Variants in VPS50 observed in about 807,000 individuals in gnomAD.
VPS50 encodes the protein VPS50 subunit of EARP/GARPII complex, also known as syndetin.
Under a neutral mutation model 139.7 loss-of-function variants are expected in VPS50, and 70 were observed. The ratio of observed to expected loss-of-function variants is 0.50; its 90% CI spans 0.41 to 0.61. The LOEUF is 0.61. Among genes scored for constraint, VPS50 ranks in the 20% least tolerant of loss-of-function variants. VPS50 has a pLI of 0.00. For missense variants in VPS50, 921 were observed against 1,133.7 expected, an observed-to-expected ratio of 0.81 and a Z score of 2.69; for synonymous variants, 365 against 376.7, an observed-to-expected ratio of 0.97 and a Z score of 0.36.
At position 93,355,938 on chromosome 7, in the gene VPS50, A is replaced by G. The variant is rs768855317; in HGVS notation, c.2633A>G (p.Gln878Arg). The change falls in exon 27 of 28, where the codon CAA becomes CGA. Residue 878 changes from glutamine (Q) to arginine (R), a missense_variant. Transcript: ENST00000305866. ...AGTAATGAGGGTCGTGCCCTGATGC[A>G]ATTGGATTTTCAACAGTTTTTAATG... ...KCSNEGRALM[Q>R]LDFQQFLMKL... The G allele has an allele frequency of 1.2e-6, 2 of 1,606,362 alleles. No homozygotes were observed. The highest frequency in any genetic ancestry group is 1.7e-6 in the Non-Finnish European group (2 of 1,174,280).
chr7:93,248,584 G>A (rs1480689997), intron 2 of VPS50, among the ~76,000 whole-genome samples: 1 of 151,964 alleles, frequency 6.6e-6, no homozygotes, highest in African/African-American at 2.4e-5. Flanking sequence ...AGAGCATATT[G>A]TCTTTTCCTT....
intron 2 of VPS50, 137 bp downstream of exon 2, chr7:93,240,071 T>C (rs2116774899): frequency 3.3e-6 from 2 of 599,274 alleles, no homozygotes; most frequent in South Asian, 3.8e-5. Flanking sequence ...AAATTTTTAT[T>C]GTATAGTAGG....
At chr7:93,344,317 C>G (rs1480866750) in intron 23 of VPS50, among the ~76,000 whole-genome samples, 1 of 152,106 alleles carries the variant, frequency 6.6e-6, no homozygotes, top group Non-Finnish European at 1.5e-5. Flanking sequence ...ACAGGAGCAC[C>G]CAGATGCATA....
rs1798765183 is a variant in VPS50 at position 93,358,398 on chromosome 7, C to G, written c.2857C>G (p.Leu953Val). The G allele has an allele frequency of 6.2e-7, 1 of 1,611,710 alleles. No individual in the cohort carries two copies. Among genetic ancestry groups the G allele is most frequent in the African/African-American group, 1.3e-5 (1 of 74,964 alleles). ...HINKKARQKL[L>V]AAIDDIDRPK... ...CAATAAGAAAGCAAGACAAAAACTT[C>G]TAGCAGCTATAGATGATATAGACAG... The change falls in exon 28 of 28, where the codon CTA (leucine) becomes GTA (valine). Residue 953 changes from leucine to valine, a missense_variant. Leu to Val is a conservative substitution (Grantham distance 32). Transcript: ENST00000305866.
At chr7:93,283,772 G>A (rs1215960915) in intron 12 of VPS50, among the ~76,000 whole-genome samples, 2 of 152,170 alleles carry the variant, frequency 1.3e-5, no homozygotes, top group Admixed American at 1.3e-4. Flanking sequence ...CAGGAACAGT[G>A]TGTGTCCAGG....
Position 93,323,532 on chromosome 7 carries a change from T to A in VPS50, c.1856-79T>A, listed in dbSNP as rs114438462. ...ATATTTAAATATTTTAGTATAATAA[T>A]TTTATTTTCTTTTTATAATTATAGA... On this transcript the variant is annotated intron_variant, in intron 20 of 27. Coordinates refer to ENST00000305866, the MANE Select transcript of VPS50 (RefSeq NM_017667.4). 1.3e-3 allele frequency: 580 copies of A among 455,796 alleles called. 4 individuals are homozygous for A. Among genetic ancestry groups the A allele is most frequent in the African/African-American group, 0.011 (532 of 49,096 alleles). The allele number at this position is 455,796 out of a possible 1,614,324, so 28.2% of individuals were successfully genotyped here. A position where few individuals can be genotyped will look rare whatever the true frequency, so the allele number is the denominator to read the frequency against.
chr7:93,286,466 C>T (rs1796489913), intron 12 of VPS50, among the ~76,000 whole-genome samples: 1 of 152,156 alleles, frequency 6.6e-6, no homozygotes, highest in African/African-American at 2.4e-5. Flanking sequence ...ACAAGTATCT[C>T]TAACACGTTT....
At position 93,258,349 on chromosome 7, in the gene VPS50, T is replaced by G; in HGVS notation, c.541-8T>G. On this transcript the variant is annotated splice_region_variant and splice_polypyrimidine_tract_variant and intron_variant, in intron 7 of 27. Transcript: ENST00000305866. ...AACAGATTTTACCTTTGATTTTTGT[T>G]TTTTCAGCAAAGAACAGATGTACGG... 2.5e-6 allele frequency: 4 copies of G among 1,612,864 alleles called. No homozygotes were observed. The highest frequency in any genetic ancestry group is 3.4e-6 in the Non-Finnish European group (4 of 1,179,246).
intron 4 of VPS50, among the ~76,000 whole-genome samples, chr7:93,255,120 T>G (rs1249110979): frequency 1.3e-5 from 2 of 152,202 alleles, no homozygotes; most frequent in Non-Finnish European, 2.9e-5. Flanking sequence ...TTCAGAATGA[T>G]TCAAGTGCAT....
intron 13 of VPS50, among the ~76,000 whole-genome samples, chr7:93,293,578 T>C (rs1314554332): frequency 6.6e-6 from 1 of 152,186 alleles, no homozygotes; most frequent in African/African-American, 2.4e-5. Context: ...AGGAATAAAA[T>C]TGTAGAAATT....
Position 93,308,892 on chromosome 7 carries a change from A to G in VPS50, c.1698A>G (p.Glu566=). The G allele has an allele frequency of 3.7e-6, 6 of 1,608,276 alleles. No individual in the cohort carries two copies. Among genetic ancestry groups the G allele is most frequent in the Non-Finnish European group, 5.1e-6 (6 of 1,175,350 alleles). ...ACAGTGACAGTGATGTTCCTGAGGA[A>G]CTCAAACGAGACTATGTGGATGAGC... The part of the protein sequence containing the change: ...EYDSDSDVPE[E]LKRDYVDEQT... Residue 566 remains glutamate, a synonymous_variant, in exon 19 of 28, where the codon GAA becomes GAG. Transcript: ENST00000305866.
At chr7:93,306,151 A>T in intron 18 of VPS50, 147 bp downstream of exon 18, 1 of 604,606 alleles carries the variant, frequency 1.7e-6, no homozygotes. Flanking sequence ...TTACATTTAT[A>T]GATGATGACT....
At chr7:93,283,525 C>T (rs1796392305) in intron 12 of VPS50, among the ~76,000 whole-genome samples, 1 of 152,134 alleles carries the variant, frequency 6.6e-6, no homozygotes, top group Admixed American at 6.5e-5. Context: ...TGTGAGCCAC[C>T]GCGCCTGGCC....
chr7:93,266,359 C>A (rs1795843891), intron 9 of VPS50, among the ~76,000 whole-genome samples: 1 of 152,164 alleles, frequency 6.6e-6, no homozygotes, highest in Admixed American at 6.6e-5. Flanking sequence ...AAGGACTTGA[C>A]TTAAATCATA....
At position 93,250,613 on chromosome 7, in the gene VPS50, C is replaced by G. The variant is rs1408755091; in HGVS notation, c.103-2040C>G. On this transcript the variant is annotated intron_variant, in intron 2 of 27. Transcript: ENST00000305866. ...ACCCTAGAAGAAAACCTAGGCAATA[C>G]CATTCAGGACATAGGCATGGGCAAA... Among the ~76,000 whole-genome samples, 3 of 152,090 alleles carry G rather than the reference C, an allele frequency of 2.0e-5. No homozygotes were observed. In the East Asian group the frequency reaches 5.8e-4, roughly 29 times the overall value.
chr7:93,237,771 G>A (rs1782629839), intron 1 of VPS50, among the ~76,000 whole-genome samples: 2 of 152,020 alleles, frequency 1.3e-5, no homozygotes, highest in Non-Finnish European at 2.9e-5. Flanking sequence ...TTAGTTCAAG[G>A]GTACCTATGC....
intron 2 of VPS50, among the ~76,000 whole-genome samples, chr7:93,249,211 A>G (rs748623328): frequency 6.6e-6 from 1 of 152,130 alleles, no homozygotes; most frequent in Non-Finnish European, 1.5e-5. Context: ...TGTTTTTGAA[A>G]TGTACACTTG....
At chr7:93,300,181 A>G (rs1458502127) in intron 16 of VPS50, among the ~76,000 whole-genome samples, 2 of 152,164 alleles carry the variant, frequency 1.3e-5, no homozygotes, top group Non-Finnish European at 2.9e-5. Flanking sequence ...TCTTTTGAAG[A>G]AATGTCTTTG....
At chr7:93,320,006 T>G (rs1275654934) in intron 20 of VPS50, among the ~76,000 whole-genome samples, 1 of 152,112 alleles carries the variant, frequency 6.6e-6, no homozygotes, top group Admixed American at 6.5e-5. Flanking sequence ...ATTATTCTGT[T>G]TCTTTTGGGA....
Sources: allele counts gnomAD v4.1 joint callset (sites outside exome capture counted in the v4.1 genomes callset), GRCh38; gene constraint gnomAD v4.1.1; transcripts MANE v1.5; gene names NCBI Gene and HGNC (gene_info 2026-07-23, HGNC 2026-07-21).